Variants in CNTNAP2 observed in about 807,000 individuals in gnomAD.
The protein encoded by CNTNAP2 is contactin associated protein 2.
A neutral mutation model predicts 155.2 loss-of-function variants in CNTNAP2; 98 were observed. That is an observed-to-expected ratio of 0.63 (90% CI 0.54 to 0.75). CNTNAP2 has a LOEUF of 0.75. Ranked by LOEUF, CNTNAP2 falls within the 30% of genes least tolerant of loss-of-function variation. The probability of loss-of-function intolerance (pLI) is 0.00; values close to 1 mark genes in which losing one functional copy is unlikely to be tolerated. For missense variants in CNTNAP2, 1,727 were observed against 1,688.1 expected, an observed-to-expected ratio of 1.02 and a Z score of -0.40; for synonymous variants, 651 against 631.2, an observed-to-expected ratio of 1.03 and a Z score of -0.47.
rs1797261265 is a variant in CNTNAP2 at position 147,759,158 on chromosome 7, C to A, written c.2098+119852C>A. ...TTCAGTCCCTCCTCCCATGCGTAAA[C>A]CTTTCTATCTGATTAGATCCAGGTT... is the stretch of plus-strand genomic sequence containing the variant. On this transcript the variant is annotated intron_variant, in intron 13 of 23. Transcript: ENST00000361727. Among the ~76,000 whole-genome samples the A allele has an allele frequency of 2.6e-5, 4 of 152,240 alleles. No homozygotes were observed. In the South Asian group the frequency reaches 8.3e-4, roughly 32 times the overall value.
At chr7:147,335,650 A>T (rs1795652242) in intron 9 of CNTNAP2, among the ~76,000 whole-genome samples, 1 of 152,180 alleles carries the variant, frequency 6.6e-6, no homozygotes, top group Non-Finnish European at 1.5e-5. Flanking sequence ...AAAGCCACCA[A>T]ATGAAAAGAG....
chr7:148,351,647 G>T (rs1798427415), intron 21 of CNTNAP2, among the ~76,000 whole-genome samples: 1 of 149,470 alleles, frequency 6.7e-6, no homozygotes. Context: ...GGAGGCTATG[G>T]CAGGAGAATC....
intron 4 of CNTNAP2, among the ~76,000 whole-genome samples, chr7:147,102,795 G>C (rs770374161): frequency 3.3e-5 from 5 of 152,134 alleles, no homozygotes; most frequent in Non-Finnish European, 7.4e-5. Context: ...AAGAAAGGCA[G>C]TGGGTTAGGA....
intron 12 of CNTNAP2, among the ~76,000 whole-genome samples, chr7:147,592,186 G>C (rs2116845513): frequency 6.6e-6 from 1 of 152,168 alleles, no homozygotes; most frequent in African/African-American, 2.4e-5. Context: ...TAGGCACTTA[G>C]TAAATATTTG....
chr7:146,533,160 C>T (rs1563122684), intron 1 of CNTNAP2, among the ~76,000 whole-genome samples: 1 of 136,406 alleles, frequency 7.3e-6, no homozygotes, highest in African/African-American at 2.6e-5. Flanking sequence ...CCCTCTGAAT[C>T]AGTTGCACTT....
At position 147,560,055 on chromosome 7, in the gene CNTNAP2, C is replaced by G. The variant is rs149733086; in HGVS notation, c.1778-2083C>G. Among the ~76,000 whole-genome samples, 560 of 151,396 alleles carry G rather than the reference C, an allele frequency of 3.7e-3. 6 individuals are homozygous for G. The highest frequency in any genetic ancestry group is 0.013 in the African/African-American group (525 of 41,204). On this transcript the variant is annotated intron_variant, in intron 11 of 23. Transcript: ENST00000361727. ...TGGTGGCGGATGCCTGTAATCCCAG[C>G]TACTTGGGAGGCTGAGGCAGGAGAA...
intron 1 of CNTNAP2, among the ~76,000 whole-genome samples, chr7:146,681,857 C>T (rs977359732): frequency 7.9e-4 from 120 of 152,244 alleles, no homozygotes; most frequent in Admixed American, 4.1e-3. Flanking sequence ...GCTTCTAATG[C>T]TTTCTACTCC....
chr7:148,136,074 G>A (rs1483392014), intron 16 of CNTNAP2, among the ~76,000 whole-genome samples: 2 of 98,540 alleles, frequency 2.0e-5, no homozygotes, highest in Non-Finnish European at 4.3e-5. Flanking sequence ...GGAAGGGAGA[G>A]GGAGGGGGAG....
At chr7:146,660,231 G>T (rs1273161917) in intron 1 of CNTNAP2, among the ~76,000 whole-genome samples, 1 of 152,166 alleles carries the variant, frequency 6.6e-6, no homozygotes, top group Non-Finnish European at 1.5e-5. Context: ...TATCTAAGCA[G>T]TATGTCGATG....
chr7:148,186,455 G>A (rs1384803409), intron 18 of CNTNAP2, among the ~76,000 whole-genome samples: 1 of 152,186 alleles, frequency 6.6e-6, no homozygotes, highest in Non-Finnish European at 1.5e-5. Flanking sequence ...ATATACACTA[G>A]AATGATGTCC....
chr7:147,749,943 T>C (rs1208380597), intron 13 of CNTNAP2, among the ~76,000 whole-genome samples: 1 of 152,236 alleles, frequency 6.6e-6, no homozygotes. Flanking sequence ...ACAAATATAT[T>C]TGATATTTAT....
chr7:146,892,684 G>A (rs576860824), intron 3 of CNTNAP2, among the ~76,000 whole-genome samples: 1 of 152,288 alleles, frequency 6.6e-6, no homozygotes, highest in African/African-American at 2.4e-5. Flanking sequence ...GCTGATGCAT[G>A]AGAATCACTT....
intron 11 of CNTNAP2, among the ~76,000 whole-genome samples, chr7:147,525,911 G>C (rs1298621452): frequency 6.6e-6 from 1 of 152,044 alleles, no homozygotes; most frequent in Non-Finnish European, 1.5e-5. Flanking sequence ...AATATTGTTA[G>C]GCTGGGTGCA....
intron 1 of CNTNAP2, among the ~76,000 whole-genome samples, chr7:146,436,620 G>C (rs1796247089): frequency 6.6e-6 from 1 of 152,046 alleles, no homozygotes; most frequent in Non-Finnish European, 1.5e-5. Context: ...ATAAAACACA[G>C]TTTAGAAGAA....
chr7:146,140,208 A>G (rs1217344477), intron 1 of CNTNAP2, among the ~76,000 whole-genome samples: 4 of 152,096 alleles, frequency 2.6e-5, no homozygotes, highest in Admixed American at 1.3e-4. Context: ...GACGACTTAT[A>G]AAAGAGAAAA....
At chr7:147,888,643 C>T (rs934346483) in intron 13 of CNTNAP2, among the ~76,000 whole-genome samples, 8 of 151,586 alleles carry the variant, frequency 5.3e-5, no homozygotes, top group African/African-American at 1.9e-4. Context: ...CCCAGCTAGA[C>T]AGAAATTACA....
chr7:148,349,633 C>G (rs1349744280), intron 21 of CNTNAP2, among the ~76,000 whole-genome samples: 2 of 152,038 alleles, frequency 1.3e-5, no homozygotes, highest in African/African-American at 2.4e-5. Flanking sequence ...GATCTCCTGA[C>G]CTCGTGATCC....
chr7:147,414,327 G>T (rs1797151683), intron 10 of CNTNAP2, among the ~76,000 whole-genome samples: 1 of 151,724 alleles, frequency 6.6e-6, no homozygotes. Flanking sequence ...AGGAGGCTGA[G>T]GCAGGAGAAT....
intron 11 of CNTNAP2, among the ~76,000 whole-genome samples, chr7:147,511,864 G>A (rs1233179221): frequency 3.9e-5 from 6 of 152,120 alleles, no homozygotes; most frequent in Non-Finnish European, 8.8e-5. Context: ...CTTTACATGA[G>A]CAAAGAAAAT....
Sources: gnomAD v4.1 joint callset for allele counts (sites outside exome capture counted in the v4.1 genomes callset) on GRCh38, gnomAD v4.1.1 for gene constraint, MANE v1.5 for transcripts, NCBI Gene and HGNC (gene_info 2026-07-23, HGNC 2026-07-21) for gene names.